MAP4K4: variants seen among roughly 807,000 people sequenced by gnomAD.
MAP4K4 encodes mitogen-activated protein kinase kinase kinase kinase 4.
A neutral mutation model predicts 189.6 loss-of-function variants in MAP4K4; 38 were observed. The ratio of observed to expected loss-of-function variants is 0.20; its 90% CI spans 0.15 to 0.26. The LOEUF is 0.26. Among genes scored for constraint, MAP4K4 ranks in the 10% least tolerant of loss-of-function variants. The pLI, the probability that MAP4K4 is intolerant of heterozygous loss-of-function variation, is 1.00. For synonymous variants in MAP4K4, 610 were observed against 624.3 expected (o/e 0.98, Z 0.34); for missense variants, 1,054 against 1,726.9 (o/e 0.61, Z 6.91).
chr2:101,793,022 G>C (rs1056474376), intron 3 of MAP4K4, among the ~76,000 whole-genome samples: 3 of 152,100 alleles, frequency 2.0e-5, no homozygotes, highest in Admixed American at 2.0e-4. Flanking sequence ...AATACATACC[G>C]ATATGTGTAA....
intron 3 of MAP4K4, among the ~76,000 whole-genome samples, chr2:101,819,890 C>T (rs1358593563): frequency 6.6e-6 from 1 of 152,150 alleles, no homozygotes; most frequent in South Asian, 2.1e-4. Flanking sequence ...GTGTTGGGCT[C>T]CATTCAGGGG....
At chr2:101,811,846 T>C in intron 3 of MAP4K4, among the ~76,000 whole-genome samples, 1 of 152,280 alleles carries the variant, frequency 6.6e-6, no homozygotes, top group African/African-American at 2.4e-5. Context: ...TGGCAGTTGG[T>C]ATTGTTGGTT....
chr2:101,863,770 C>A, intron 16 of MAP4K4, 51 bp from the exon 17 acceptor site: 1 of 1,268,410 alleles, frequency 7.9e-7, no homozygotes, highest in Non-Finnish European at 1.1e-6. Flanking sequence ...ACCAGAAAAG[C>A]CAGTTTTATG....
intron 10 of MAP4K4, among the ~76,000 whole-genome samples, chr2:101,841,343 C>A (rs1428784597): frequency 6.6e-6 from 1 of 152,164 alleles, no homozygotes; most frequent in Non-Finnish European, 1.5e-5. Flanking sequence ...TTGAAGCTAG[C>A]ATAATCTATT....
At position 101,859,877 on chromosome 2, in the gene MAP4K4, C is replaced by T; in HGVS notation, c.1704+13C>T. On this transcript the variant is annotated intron_variant, in intron 15 of 32. Coordinates refer to ENST00000324219, the Ensembl canonical transcript of MAP4K4. ...CCGAGCGCGAGAGGTATCCTCTTTC[C>T]TTTGTCACTTAGACATTGCCCTGGA... is the stretch of plus-strand genomic sequence containing the variant. The T allele has an allele frequency of 1.1e-5, 18 of 1,583,682 alleles. No individual in the cohort carries two copies. The highest frequency in any genetic ancestry group is 1.5e-5 in the Non-Finnish European group (18 of 1,164,792).
At chr2:101,727,852 C>T (rs961613264) in intron 2 of MAP4K4, among the ~76,000 whole-genome samples, 4 of 152,168 alleles carry the variant, frequency 2.6e-5, no homozygotes, top group African/African-American at 9.7e-5. Flanking sequence ...GCTTATAGTT[C>T]CAGCTACTCG....
In MAP4K4 at chr2:101,735,656, A is replaced by G. The variant is rs141017111; in HGVS notation, c.123+37118A>G. Among the ~76,000 whole-genome samples, 474 of 152,306 alleles carry G rather than the reference A, an allele frequency of 3.1e-3. 3 individuals carry two copies. Among genetic ancestry groups the G allele is most frequent in the African/African-American group, 0.01 (434 of 41,550 alleles). ...GTCAAACCAAGGAATTCAGGCTTCA[A>G]TCTGAAGCCTCAGGATGAAGAATTT... On this transcript the variant is annotated intron_variant, in intron 2 of 32. Transcript: ENST00000324219.
chr2:101,770,307 G>A (rs898248349), intron 2 of MAP4K4, among the ~76,000 whole-genome samples: 1 of 149,124 alleles, frequency 6.7e-6, no homozygotes, highest in Non-Finnish European at 1.5e-5. Flanking sequence ...GGAGTGCAGG[G>A]GCACGATCTT....
At chr2:101,743,186 G>A (rs1025895186) in intron 2 of MAP4K4, among the ~76,000 whole-genome samples, 5 of 152,080 alleles carry the variant, frequency 3.3e-5, no homozygotes, top group African/African-American at 1.2e-4. Flanking sequence ...CAAGGTGGCT[G>A]CCTTAATTTT....
At chr2:101,804,398 G>A (rs1360253966) in intron 3 of MAP4K4, among the ~76,000 whole-genome samples, 1 of 152,040 alleles carries the variant, frequency 6.6e-6, no homozygotes, top group Non-Finnish European at 1.5e-5. Flanking sequence ...CCTCTCCCTG[G>A]TATTCTAAGG....
intron 13 of MAP4K4, among the ~76,000 whole-genome samples, chr2:101,856,602 A>G (rs1464435414): frequency 6.6e-6 from 1 of 152,220 alleles, no homozygotes; most frequent in Non-Finnish European, 1.5e-5. Context: ...CTGTATATAC[A>G]CAGCACATTA....
intron 2 of MAP4K4, among the ~76,000 whole-genome samples, chr2:101,751,941 A>C (rs1305063860): frequency 6.6e-6 from 1 of 152,192 alleles, no homozygotes; most frequent in Non-Finnish European, 1.5e-5. Context: ...GGGAGGTGTC[A>C]GCTGTCATTC....
At chr2:101,893,119 C>G (rs1230423142) in exon 33 of MAP4K4, 4 of 456,352 alleles carry the variant, frequency 8.8e-6, no homozygotes, top group Non-Finnish European at 1.8e-5. Context: ...GGCACCCACT[C>G]TGACCTCTTG....
intron 2 of MAP4K4, among the ~76,000 whole-genome samples, chr2:101,740,449 C>T (rs1030578326): frequency 7.8e-5 from 8 of 102,516 alleles, no homozygotes; most frequent in South Asian, 2.3e-4. Context: ...CCACCGCGCC[C>T]GGCCGCTTTA....
At chr2:101,864,308 G>T (rs183633662) in intron 17 of MAP4K4, among the ~76,000 whole-genome samples, 2 of 152,010 alleles carry the variant, frequency 1.3e-5, no homozygotes, top group Admixed American at 6.6e-5. Context: ...CAAAGAATAG[G>T]CTTCTTAAAC....
chr2:101,768,502 A>G lies in MAP4K4; in HGVS notation c.124-22218A>G, dbSNP rs571603725. 2.0e-5 allele frequency among the ~76,000 whole-genome samples: 3 copies of G among 152,302 alleles called. No individual in the cohort carries two copies. The South Asian group carries it at 6.2e-4, about 32-fold the overall frequency. On this transcript the variant is annotated intron_variant, in intron 2 of 32. Coordinates refer to ENST00000324219, the Ensembl canonical transcript of MAP4K4. ...GTATGCTTTTGATTATAGTCCTGAC[A>G]TTTTAGTTTTGTATGCTTTTTCTTA...
At chr2:101,817,543 A>G (rs536193828) in intron 3 of MAP4K4, among the ~76,000 whole-genome samples, 1 of 152,274 alleles carries the variant, frequency 6.6e-6, no homozygotes, top group South Asian at 2.1e-4. Flanking sequence ...CTTCTATATC[A>G]CATTATTTTT....
chr2:101,817,908 T>A (rs919050143), intron 3 of MAP4K4, among the ~76,000 whole-genome samples: 1 of 152,234 alleles, frequency 6.6e-6, no homozygotes, highest in African/African-American at 2.4e-5. Flanking sequence ...CGGATTAATT[T>A]TAAGGAACAT....
chr2:101,790,249 T>G (rs2092630789), intron 2 of MAP4K4, among the ~76,000 whole-genome samples: 1 of 152,028 alleles, frequency 6.6e-6, no homozygotes. Flanking sequence ...ATAAAAAGTC[T>G]CTAGAGGGTT....
Sources: allele counts gnomAD v4.1 joint callset (sites outside exome capture counted in the v4.1 genomes callset), GRCh38; gene constraint gnomAD v4.1.1; transcripts MANE v1.5; gene names NCBI Gene and HGNC (gene_info 2026-07-23, HGNC 2026-07-21).